SLC4A10: variants seen among roughly 807,000 people sequenced by gnomAD.
SLC4A10 encodes sodium-driven chloride bicarbonate exchanger.
Under a neutral mutation model 137.7 loss-of-function variants are expected in SLC4A10, and 42 were observed. The ratio of observed to expected loss-of-function variants is 0.30; its 90% CI spans 0.24 to 0.39. The LOEUF (loss-of-function observed/expected upper bound fraction) is 0.39. Among genes scored for constraint, SLC4A10 ranks in the 10% least tolerant of loss-of-function variants. The pLI is 1.00. For missense variants in SLC4A10, 925 were observed against 1,355.0 expected, an observed-to-expected ratio of 0.68 and a Z score of 4.98; for synonymous variants, 474 against 464.1, an observed-to-expected ratio of 1.02 and a Z score of -0.27.
At chr2:161,879,398 G>A (rs1021940310) in intron 9 of SLC4A10, 110 bp downstream of exon 9, 4 of 1,164,686 alleles carry the variant, frequency 3.4e-6, no homozygotes, top group Non-Finnish European at 3.6e-6. Flanking sequence ...AAACTAATGT[G>A]AAATCCACAA....
intron 1 of SLC4A10, among the ~76,000 whole-genome samples, chr2:161,767,133 ATATATATG>A (rs1481866935): frequency 7.5e-4 from 68 of 90,180 alleles, no homozygotes; most frequent in African/African-American, 1.5e-3. Flanking sequence ...ATATATATAT[ATATATATG>A]TGTGTGTGTG....
chr2:161,901,117 C>T, intron 12 of SLC4A10, 106 bp downstream of exon 12: 1 of 825,726 alleles, frequency 1.2e-6, no homozygotes, highest in Non-Finnish European at 2.0e-6. Context: ...ACTTTTAATA[C>T]CTGCTTTTTG....
chr2:161,807,042 A>G (rs889159691), intron 3 of SLC4A10, among the ~76,000 whole-genome samples: 3 of 152,204 alleles, frequency 2.0e-5, no homozygotes, highest in Non-Finnish European at 4.4e-5. Flanking sequence ...GGAGCAAGTC[A>G]CATCTTATGT....
At chr2:161,862,344 T>A (rs920910329) in intron 5 of SLC4A10, among the ~76,000 whole-genome samples, 9 of 152,164 alleles carry the variant, frequency 5.9e-5, no homozygotes, top group Admixed American at 6.5e-5. Flanking sequence ...CCTCTTTGCA[T>A]CAGATTTTCA....
At chr2:161,690,957 TA>T (rs2041924730) in intron 1 of SLC4A10, among the ~76,000 whole-genome samples, 1 of 151,846 alleles carries the variant, frequency 6.6e-6, no homozygotes, top group Non-Finnish European at 1.5e-5. Flanking sequence ...AAAATAATAT[TA>T]AATTAAAAAA....
intron 2 of SLC4A10, among the ~76,000 whole-genome samples, chr2:161,775,443 G>A (rs2125443072): frequency 6.6e-6 from 1 of 151,982 alleles, no homozygotes; most frequent in East Asian, 1.9e-4. Flanking sequence ...AGAGGATTTG[G>A]ATGAGTGAAT....
intron 2 of SLC4A10, among the ~76,000 whole-genome samples, chr2:161,797,454 G>A (rs2054891611): frequency 6.6e-6 from 1 of 151,912 alleles, no homozygotes; most frequent in Middle Eastern, 3.4e-3. Flanking sequence ...TTACAGGTTG[G>A]TATTGTTTAA....
At chr2:161,888,359 A>G (rs1258901432) in intron 10 of SLC4A10, among the ~76,000 whole-genome samples, 3 of 152,204 alleles carry the variant, frequency 2.0e-5, no homozygotes, top group Admixed American at 1.3e-4. Context: ...TGGGGATAGC[A>G]TTGAATCTAT....
At chr2:161,855,233 C>T in intron 5 of SLC4A10, 103 bp downstream of exon 5, 2 of 1,062,852 alleles carry the variant, frequency 1.9e-6, no homozygotes, top group Non-Finnish European at 2.7e-6. Context: ...AAAACTAATT[C>T]TCATAATCAC....
chr2:161,918,033 G>T (rs992629842), intron 15 of SLC4A10, among the ~76,000 whole-genome samples: 36 of 152,090 alleles, frequency 2.4e-4, no homozygotes, highest in African/African-American at 7.7e-4. Context: ...CTGCGTTGTG[G>T]GTCACTGGTT....
intron 1 of SLC4A10, among the ~76,000 whole-genome samples, chr2:161,728,978 G>C (rs1364425327): frequency 6.6e-6 from 1 of 151,854 alleles, no homozygotes; most frequent in East Asian, 1.9e-4. Flanking sequence ...GGCAGAAAAT[G>C]CATTTGACAA....
At position 161,836,577 on chromosome 2, in the gene SLC4A10, AAAGAAAGAAAGAAAGAAAGAAAGGAAGG is replaced by A. The variant is rs1480319728; in HGVS notation, c.278-3208_278-3181del. Among the ~76,000 whole-genome samples, 42 of 132,496 alleles carry A rather than the reference AAAGAAAGAAAGAAAGAAAGAAAGGAAGG, an allele frequency of 3.2e-4. 3 individuals carry two copies. Among genetic ancestry groups the A allele is most frequent in the Admixed American group, 9.6e-4 (13 of 13,576 alleles). 86.9% of individuals were successfully genotyped at this position (132,496 alleles called of 152,430 possible). The stretch of plus-strand genomic sequence containing the variant: ...GAAAGAAAGAAAGAAAGAAAGAAAG[AAAGAAAGAAAGAAAGAAAGAAAGGAAGG>A]AAGGAAAGAAATGAAAGAAAAGAAA... On this transcript the variant is annotated intron_variant, in intron 3 of 26. Coordinates refer to ENST00000446997, the MANE Select transcript of SLC4A10 (RefSeq NM_001178015.2).
chr2:161,628,798 G>C (rs1232861486), intron 1 of SLC4A10, among the ~76,000 whole-genome samples: 1 of 151,988 alleles, frequency 6.6e-6, no homozygotes, highest in Non-Finnish European at 1.5e-5. Flanking sequence ...GGTTGGGAAT[G>C]AGTGGTAGAA....
At chr2:161,873,422 T>C (rs2061256887) in intron 7 of SLC4A10, among the ~76,000 whole-genome samples, 1 of 150,240 alleles carries the variant, frequency 6.7e-6, no homozygotes, top group Non-Finnish European at 1.5e-5. Context: ...TTCCAGCCAC[T>C]TGGGAGGCTG....
At chr2:161,767,143 G>A (rs867973833) in intron 1 of SLC4A10, among the ~76,000 whole-genome samples, 163 of 101,502 alleles carry the variant, frequency 1.6e-3, no homozygotes, top group South Asian at 3.3e-3. Flanking sequence ...ATATATATGT[G>A]TGTGTGTGTG....
rs181495173 is a variant in SLC4A10, at chr2:161,909,889, C to T, written c.1997+4002C>T. 1.4e-3 allele frequency among the ~76,000 whole-genome samples: 206 copies of T among 152,222 alleles called. 1 individual carries two copies. Among genetic ancestry groups the T allele is most frequent in the Non-Finnish European group, 1.4e-3 (96 of 67,992 alleles). ...GACACTTTTAGTGGCTTTCTTGTTA[C>T]TGTGACCTTTTCACACTGAATCAGT... On this transcript the variant is annotated intron_variant, in intron 15 of 26. Coordinates refer to ENST00000446997, the MANE Select transcript of SLC4A10 (RefSeq NM_001178015.2).
chr2:161,944,868 A>G (rs1015587594), intron 16 of SLC4A10, among the ~76,000 whole-genome samples: 2 of 151,556 alleles, frequency 1.3e-5, no homozygotes, highest in Admixed American at 6.6e-5. Flanking sequence ...TATTTTATTA[A>G]TAAAGCACTG....
At chr2:161,735,053 C>G (rs555947069) in intron 1 of SLC4A10, among the ~76,000 whole-genome samples, 1 of 151,942 alleles carries the variant, frequency 6.6e-6, no homozygotes, top group South Asian at 2.1e-4. Context: ...CCTCCCAAGC[C>G]ATGAGAAACT....
chr2:161,904,248 G>A, intron 13 of SLC4A10, 70 bp downstream of exon 13: 2 of 1,458,812 alleles, frequency 1.4e-6, no homozygotes, highest in Non-Finnish European at 9.2e-7. Flanking sequence ...AGATAAGTGA[G>A]CATTTAATTT....
Sources: allele counts gnomAD v4.1 joint callset (sites outside exome capture counted in the v4.1 genomes callset), GRCh38; gene constraint gnomAD v4.1.1; transcripts MANE v1.5; gene names NCBI Gene and HGNC (gene_info 2026-07-23, HGNC 2026-07-21).